The following CALN1 variants were observed in gnomAD, a reference collection of about 807,000 sequenced individuals.
The protein encoded by CALN1 is calcium-binding protein 8.
CALN1 carries 17 observed loss-of-function variants against 30.6 expected under a neutral mutation model. The observed-to-expected ratio is 0.56, with a 90% confidence interval of 0.38 to 0.83. The LOEUF is 0.83. CALN1 is among the 40% of genes least tolerant of loss of function. The pLI, the probability that CALN1 is intolerant of heterozygous loss-of-function variation, is 0.00. For missense variants in CALN1, 291 were observed against 354.9 expected (o/e 0.82, Z 1.45); for synonymous variants, 156 against 131.4 (o/e 1.19, Z -1.28).
chr7:72,488,933 C>A, the CALN1 span, among the ~76,000 whole-genome samples: 1 of 152,158 alleles, frequency 6.6e-6, no homozygotes, highest in Non-Finnish European at 1.5e-5. Flanking sequence ...CTTATTCTGA[C>A]CCAGGTGAGC....
chr7:72,302,911 A>G (rs1006096001), intron 2 of CALN1, among the ~76,000 whole-genome samples: 5 of 149,990 alleles, frequency 3.3e-5, no homozygotes, highest in African/African-American at 1.2e-4. Context: ...AAAAAAAAAA[A>G]AAAAAACGAA....
intron 3 of CALN1, among the ~76,000 whole-genome samples, chr7:72,189,767 C>CA (rs56087252): frequency 0.29 from 37,413 of 130,850 alleles, 5,589 homozygotes; most frequent in Non-Finnish European, 0.35. Flanking sequence ...GACTTTGTCT[C>CA]AAAAAAAAAA....
At chr7:71,833,379 T>C (rs1789406079) in intron 5 of CALN1, among the ~76,000 whole-genome samples, 1 of 152,098 alleles carries the variant, frequency 6.6e-6, no homozygotes. Flanking sequence ...GAGTGCACAT[T>C]GTCCTAAGAA....
intron 3 of CALN1, among the ~76,000 whole-genome samples, chr7:72,143,786 A>T (rs1338568886): frequency 2.0e-5 from 3 of 150,304 alleles, no homozygotes; most frequent in African/African-American, 7.3e-5. Flanking sequence ...CTCGGCAGAA[A>T]CTCTACAAGC....
intron 5 of CALN1, among the ~76,000 whole-genome samples, chr7:71,919,109 T>C (rs1794815315): frequency 6.6e-6 from 1 of 152,186 alleles, no homozygotes; most frequent in East Asian, 1.9e-4. Context: ...AAATAAGCAA[T>C]GAGGGCTGTC....
intron 5 of CALN1, among the ~76,000 whole-genome samples, chr7:71,878,570 T>G (rs1420308868): frequency 6.6e-6 from 1 of 152,072 alleles, no homozygotes; most frequent in Non-Finnish European, 1.5e-5. Flanking sequence ...ACAGAATCCC[T>G]AAAAGCCGGA....
chr7:71,807,563 T>A (rs946184614), intron 6 of CALN1, among the ~76,000 whole-genome samples: 1 of 152,166 alleles, frequency 6.6e-6, no homozygotes, highest in African/African-American at 2.4e-5. Context: ...GTAATGACCG[T>A]CCCAGAGGTC....
intron 5 of CALN1, among the ~76,000 whole-genome samples, chr7:72,005,862 A>G (rs1799746418): frequency 6.6e-6 from 1 of 152,180 alleles, no homozygotes; most frequent in Non-Finnish European, 1.5e-5. Context: ...GAATTGTTCA[A>G]TAGCTTGATT....
intron 6 of CALN1, among the ~76,000 whole-genome samples, chr7:71,794,922 GCT>G (rs1786800750): frequency 6.6e-6 from 1 of 152,180 alleles, no homozygotes; most frequent in African/African-American, 2.4e-5. Flanking sequence ...CCGCTTCCTG[GCT>G]CTGTTCCAGC....
chr7:72,455,425 T>A, the CALN1 span, among the ~76,000 whole-genome samples: 3 of 151,702 alleles, frequency 2.0e-5, no homozygotes, highest in East Asian at 1.9e-4. Flanking sequence ...ATATATATAT[T>A]TTTTCTCTCA....
intron 6 of CALN1, among the ~76,000 whole-genome samples, chr7:71,796,082 C>T (rs1296388868): frequency 6.6e-6 from 1 of 152,002 alleles, no homozygotes; most frequent in Admixed American, 6.6e-5. Context: ...GCCTTGGCCT[C>T]CCAAAGTGCT....
the CALN1 span, among the ~76,000 whole-genome samples, chr7:72,482,066 T>C: frequency 6.6e-6 from 1 of 152,232 alleles, no homozygotes. Context: ...TTCGAAGCTC[T>C]GTTATTAGGA....
chr7:72,259,064 G>A (rs1048655979), intron 3 of CALN1, among the ~76,000 whole-genome samples: 2 of 151,300 alleles, frequency 1.3e-5, no homozygotes, highest in Admixed American at 6.6e-5. Flanking sequence ...CTGGGCGACA[G>A]AGCGAGACTC....
In CALN1 at chr7:72,350,624, A is replaced by G. The variant is rs141635682; in HGVS notation, c.119+52627T>C. On this transcript the variant is annotated intron_variant, in intron 2 of 6. Coordinates refer to ENST00000395275, the MANE Select transcript of CALN1 (RefSeq NM_031468.4). The stretch of plus-strand genomic sequence containing the variant: ...AAGAGAACAACAGACACCAGGGCCT[A>G]TTTGAGGGTGGAGCAGGAGGAAGTT... Among the ~76,000 whole-genome samples the G allele has an allele frequency of 1.4e-3, 213 of 152,244 alleles. 1 individual carries two copies. The highest frequency in any genetic ancestry group is 5.0e-3 in the African/African-American group (209 of 41,548).
chr7:72,193,208 A>C (rs1790754825), intron 3 of CALN1, among the ~76,000 whole-genome samples: 1 of 151,700 alleles, frequency 6.6e-6, no homozygotes, highest in South Asian at 2.1e-4. Context: ...AAAAGAGAAA[A>C]AAAAAAATTA....
chr7:72,245,090 A>T (rs573852634), intron 3 of CALN1, among the ~76,000 whole-genome samples: 1 of 152,274 alleles, frequency 6.6e-6, no homozygotes, highest in South Asian at 2.1e-4. Context: ...GTTCTCTTGG[A>T]GGAAAATATT....
chr7:71,916,488 C>G (rs960843232), intron 5 of CALN1, among the ~76,000 whole-genome samples: 2 of 151,890 alleles, frequency 1.3e-5, no homozygotes, highest in East Asian at 3.9e-4. Context: ...ACTATGCAAC[C>G]ATAAAAAGGA....
At chr7:72,488,968 G>A in the CALN1 span, among the ~76,000 whole-genome samples, 2 of 152,170 alleles carry the variant, frequency 1.3e-5, no homozygotes, top group Non-Finnish European at 2.9e-5. Context: ...TGGAAGCATA[G>A]GAGAGCCTAC....
chr7:71,838,237 T>A (rs181580252), intron 5 of CALN1, among the ~76,000 whole-genome samples: 1 of 152,314 alleles, frequency 6.6e-6, no homozygotes, highest in African/African-American at 2.4e-5. Flanking sequence ...AAATGAAAAA[T>A]GCCTGTTAGT....
Sources: allele counts gnomAD v4.1 joint callset (sites outside exome capture counted in the v4.1 genomes callset), GRCh38; gene constraint gnomAD v4.1.1; transcripts MANE v1.5; gene names NCBI Gene and HGNC (gene_info 2026-07-23, HGNC 2026-07-21).